Variants in DYRK4 observed in about 807,000 individuals in gnomAD.
DYRK4 encodes the protein dual specificity tyrosine-phosphorylation-regulated kinase 4.
A neutral mutation model predicts 68.3 loss-of-function variants in DYRK4; 64 were observed. The observed-to-expected ratio is 0.94, with a 90% confidence interval of 0.77 to 1.15. The LOEUF is 1.15. Ranked by LOEUF, DYRK4 falls within the 50% of genes most tolerant of loss-of-function variation. The pLI, the probability that DYRK4 is intolerant of heterozygous loss-of-function variation, is 0.00. For missense variants in DYRK4, 740 were observed against 764.7 expected (o/e 0.97, Z 0.38); for synonymous variants, 274 against 289.9 (o/e 0.95, Z 0.56).
chr12:4,604,970 C>T lies in DYRK4; in HGVS notation c.1183C>T (p.Pro395Ser), dbSNP rs1258067852. The change falls in exon 11 of 15, where the codon CCC becomes TCC. Residue 395 changes from proline (P) to serine (S), a missense_variant. Around this residue, in one of 3 missense-constraint regions of DYRK4, gnomAD observed 614 missense variants for 603.7 expected, o/e 1.02. Coordinates refer to ENST00000543431, the MANE Select transcript of DYRK4 (RefSeq NM_001394779.1). ...YRSPEVILGH[P>S]YDVAIDMWSL... ...ATCCCCAGAAGTGATCCTGGGCCAC[C>T]CCTACGACGTGGCCATTGACATGTG... The T allele has an allele frequency of 1.9e-6, 3 of 1,613,932 alleles. No homozygotes were observed. The highest frequency in any genetic ancestry group is 1.3e-5 in the African/African-American group (1 of 75,044).
At chr12:4,563,634 G>A (rs1475367508) in intron 1 of DYRK4, among the ~76,000 whole-genome samples, 1 of 152,190 alleles carries the variant, frequency 6.6e-6, no homozygotes, top group Non-Finnish European at 1.5e-5. Context: ...CTGGAAAATA[G>A]GAACAACCAC....
At chr12:4,581,040 C>G (rs1944837083) in intron 2 of DYRK4, 2 of 346,288 alleles carry the variant, frequency 5.8e-6, no homozygotes, top group South Asian at 4.5e-5. Context: ...GAGTTCTGCT[C>G]TAACTAGCCC....
In DYRK4 at chr12:4,610,266, T is replaced by C. The variant is rs748797716; in HGVS notation, c.1472T>C (p.Phe491Ser). 10 of 1,580,002 alleles carry C rather than the reference T, an allele frequency of 6.3e-6. No individual in the cohort carries two copies. The highest frequency in any genetic ancestry group is 7.7e-6 in the Non-Finnish European group (9 of 1,166,984). ...LKTYDTSFLD[F>S]LRRCLVWEPS... Reference sequence around the variant, plus strand: ...ACCTATGACACCAGCTTCCTGGACTTTCTCAGAAGGTGTTTGGTGTGAGTT... The same window carrying C: ...ACCTATGACACCAGCTTCCTGGACTCTCTCAGAAGGTGTTTGGTGTGAGTT... The change falls in exon 13 of 15, where the codon TTT becomes TCT. Residue 491 changes from phenylalanine to serine, a missense_variant. This residue lies in a region of DYRK4 where 614 missense variants were observed against 603.7 expected (regional missense o/e 1.02). Transcript: ENST00000543431.
intron 10 of DYRK4, among the ~76,000 whole-genome samples, chr12:4,600,812 C>A (rs1404888548): frequency 6.6e-6 from 1 of 151,758 alleles, no homozygotes; most frequent in Non-Finnish European, 1.5e-5. Context: ...ATGAAGGCGT[C>A]ATCACATAGT....
At chr12:4,598,968 C>G (rs1347742242) in intron 8 of DYRK4, 60 bp from the exon 9 acceptor site, 2 of 1,592,958 alleles carry the variant, frequency 1.3e-6, no homozygotes, top group African/African-American at 2.7e-5. Flanking sequence ...TTTGCAGGTT[C>G]AAACTCAGCC....
chr12:4,583,687 G>A (rs1465704763), intron 2 of DYRK4, among the ~76,000 whole-genome samples: 3 of 152,072 alleles, frequency 2.0e-5, no homozygotes, highest in Non-Finnish European at 4.4e-5. Flanking sequence ...CAGCCACTGC[G>A]CCCAGCCTTG....
At chr12:4,610,018 GTT>G (rs1945199619) in intron 12 of DYRK4, 135 bp from the exon 13 acceptor site, 1 of 565,356 alleles carries the variant, frequency 1.8e-6, no homozygotes, top group Non-Finnish European at 3.0e-6. Flanking sequence ...GTGTGTGTGT[GTT>G]TATTGGGGTG....
chr12:4,592,225 C>T (rs564204750), intron 5 of DYRK4, among the ~76,000 whole-genome samples: 1 of 152,308 alleles, frequency 6.6e-6, no homozygotes, highest in Admixed American at 6.5e-5. Context: ...GCTCTGTCCT[C>T]TGGGCAAAGA....
At chr12:4,599,580 A>G in intron 9 of DYRK4, 127 bp from the exon 10 acceptor site, 1 of 664,246 alleles carries the variant, frequency 1.5e-6, no homozygotes, top group Non-Finnish European at 2.6e-6. Flanking sequence ...TTTGGAGAGG[A>G]TGTGGGAGGA....
chr12:4,571,125 G>A (rs545274790), intron 2 of DYRK4, among the ~76,000 whole-genome samples: 1 of 152,336 alleles, frequency 6.6e-6, no homozygotes, highest in Admixed American at 6.5e-5. Context: ...CTGAGCTCCA[G>A]GATCACAGCT....
chr12:4,599,605 G>T (rs539935531), intron 9 of DYRK4, 102 bp from the exon 10 acceptor site: 8 of 785,434 alleles, frequency 1.0e-5, no homozygotes, highest in Non-Finnish European at 1.7e-5. Context: ...CATGGAGGTG[G>T]TCATATTTGA....
chr12:4,598,259 T>A (rs1012382), intron 8 of DYRK4, among the ~76,000 whole-genome samples: 1 of 152,152 alleles, frequency 6.6e-6, no homozygotes, highest in Non-Finnish European at 1.5e-5. Flanking sequence ...CAAAGCTAGA[T>A]GATCTTAGAA....
intron 8 of DYRK4, among the ~76,000 whole-genome samples, chr12:4,598,738 A>G (rs1945046152): frequency 6.6e-6 from 1 of 152,140 alleles, no homozygotes; most frequent in Non-Finnish European, 1.5e-5. Context: ...AACTATGACT[A>G]TTTCAGAAGT....
chr12:4,574,801 T>A (rs1370906708), intron 2 of DYRK4, among the ~76,000 whole-genome samples: 3 of 152,246 alleles, frequency 2.0e-5, no homozygotes, highest in Non-Finnish European at 4.4e-5. Context: ...CACTGCAGCC[T>A]CCGCCTCCCC....
intron 3 of DYRK4, 75 bp from the exon 4 acceptor site, chr12:4,590,255 G>A: frequency 1.4e-6 from 2 of 1,466,436 alleles, no homozygotes; most frequent in South Asian, 2.8e-5. Context: ...TGGGAAGGGA[G>A]GCTGGAAGAA....
At chr12:4,602,492 CT>C in intron 10 of DYRK4, 1 of 1,310,726 alleles carries the variant, frequency 7.6e-7, no homozygotes, top group Non-Finnish European at 1.1e-6. Context: ...GGCAGCAGAG[CT>C]TGGACAAGTC....
intron 2 of DYRK4, among the ~76,000 whole-genome samples, chr12:4,587,809 C>A (rs1416497706): frequency 6.6e-6 from 1 of 152,088 alleles, no homozygotes; most frequent in Non-Finnish European, 1.5e-5. Context: ...AGTGTTGTAC[C>A]CAGTTGTTAT....
At chr12:4,597,654 G>A (rs192448954) in intron 8 of DYRK4, among the ~76,000 whole-genome samples, 2 of 152,312 alleles carry the variant, frequency 1.3e-5, no homozygotes, top group East Asian at 1.9e-4. Flanking sequence ...CTGTGCAGGG[G>A]GAGTCCAAAG....
chr12:4,582,087 C>A (rs993095073), intron 2 of DYRK4, among the ~76,000 whole-genome samples: 2 of 152,154 alleles, frequency 1.3e-5, no homozygotes, highest in African/African-American at 4.8e-5. Context: ...GCATTTCAGG[C>A]TAGGGATGCT....
Sources: allele counts gnomAD v4.1 joint callset (sites outside exome capture counted in the v4.1 genomes callset), GRCh38; gene constraint gnomAD v4.1.1; regional missense constraint gnomAD v4.1.1; transcripts MANE v1.5; gene names NCBI Gene and HGNC (gene_info 2026-07-23, HGNC 2026-07-21).